IL2RA: variants seen among roughly 807,000 people sequenced by gnomAD.
The protein encoded by IL2RA is interleukin 2 receptor subunit alpha.
Under a neutral mutation model 37.8 loss-of-function variants are expected in IL2RA, and 24 were observed. The observed-to-expected ratio is 0.63, with a 90% CI of 0.46 to 0.89. The LOEUF is 0.89. Ranked by LOEUF, IL2RA falls within the 40% of genes least tolerant of loss-of-function variation. The probability of loss-of-function intolerance (pLI) is 0.00; values close to 1 mark genes in which losing one functional copy is unlikely to be tolerated. For missense variants in IL2RA, 319 were observed against 348.6 expected (o/e 0.92, Z 0.68); for synonymous variants, 125 against 114.6 (o/e 1.09, Z -0.58).
intron 2 of IL2RA, among the ~76,000 whole-genome samples, chr10:6,024,823 A>T (rs1839454745): frequency 1.3e-5 from 2 of 152,226 alleles, no homozygotes; most frequent in Admixed American, 6.5e-5. Context: ...ACGCCATCTT[A>T]ACACAATGAC....
chr10:6,019,724 G>GC lies in IL2RA; in HGVS notation c.655+145dup, dbSNP rs201147401. ...GCTTTGGGGCCTGCAGGTTGCTGAGGCCCTGTCCCTGCTCAGAGGGAGAGG... is the reference window on the plus strand; with the variant it reads ...GCTTTGGGGCCTGCAGGTTGCTGAGGCCCCTGTCCCTGCTCAGAGGGAGAGG... On this transcript the variant is annotated intron_variant, in intron 5 of 7. Coordinates refer to ENST00000379959, the MANE Select transcript of IL2RA (RefSeq NM_000417.3). The GC allele has an allele frequency of 2.7e-3, 2,317 of 849,236 alleles. 39 individuals carry two copies. In the African/African-American group the frequency reaches 0.034, roughly 12 times the overall value. 52.6% of individuals were successfully genotyped at this position (849,236 alleles called of 1,614,324 possible).
At chr10:6,051,976 G>A (rs1839970953) in intron 1 of IL2RA, among the ~76,000 whole-genome samples, 1 of 151,296 alleles carries the variant, frequency 6.6e-6, no homozygotes, top group South Asian at 2.1e-4. Flanking sequence ...ACATGCATGT[G>A]TGTGGGGCAG....
In IL2RA at chr10:6,012,434, T is replaced by A. The variant is rs2132840139; in HGVS notation, c.*438A>T. 8.3e-6 allele frequency: 2 copies of A among 241,856 alleles called. No individual in the cohort carries two copies. Among genetic ancestry groups the A allele is most frequent in the East Asian group, 9.4e-5 (1 of 10,622 alleles). 15.0% of individuals were successfully genotyped at this position (241,856 alleles called of 1,614,324 possible). ...ATGTCCAGTTGTATAGGGTAGAGTG[T>A]GTGTGTTGTGTATTTACGTTAGTGC... On this transcript the variant is annotated 3_prime_UTR_variant, in exon 8 of 8. Transcript: ENST00000379959. This position sits in a 1 kb window ranked among gnomAD's most constrained non-coding sequence, Gnocchi z 4.8.
intron 1 of IL2RA, among the ~76,000 whole-genome samples, chr10:6,027,816 C>G (rs1310031924): frequency 1.3e-5 from 2 of 152,276 alleles, no homozygotes; most frequent in East Asian, 3.9e-4. Context: ...CTGTACTTCT[C>G]ATATCACTGG....
intron 1 of IL2RA, among the ~76,000 whole-genome samples, chr10:6,032,170 C>T (rs1381211326): frequency 6.6e-6 from 1 of 151,728 alleles, no homozygotes; most frequent in African/African-American, 2.4e-5. Context: ...AAACTCACAT[C>T]TTATGCAAGA....
At chr10:6,013,496 CAG>C (rs1288652649) in intron 7 of IL2RA, among the ~76,000 whole-genome samples, 2 of 152,142 alleles carry the variant, frequency 1.3e-5, no homozygotes, top group Admixed American at 6.5e-5. Flanking sequence ...CTACTTTGCA[CAG>C]AGTTCCCATA....
intron 1 of IL2RA, among the ~76,000 whole-genome samples, chr10:6,027,709 TC>T (rs2132862169): frequency 6.6e-6 from 1 of 152,332 alleles, no homozygotes; most frequent in East Asian, 1.9e-4. Flanking sequence ...TCTGTTCCTT[TC>T]CTTTTTCTCA....
In IL2RA at chr10:6,047,014, G is replaced by A. The variant is rs1053300346; in HGVS notation, c.64+15074C>T. ...GATCCTGCTTTTTACTCGGGTGTGG[G>A]ACAAGTAGTTATGAAGCCACAGAAT... On this transcript the variant is annotated intron_variant, in intron 1 of 7. Transcript: ENST00000379959. The surrounding 1 kb of genome is among the most constrained non-coding windows in gnomAD (Gnocchi z 5.0). Among the ~76,000 whole-genome samples, 4 of 152,164 alleles carry A rather than the reference G, an allele frequency of 2.6e-5. No homozygotes were observed. The highest frequency in any genetic ancestry group is 9.7e-5 in the African/African-American group (4 of 41,414).
At chr10:6,059,706 C>T (rs1840095541) in intron 1 of IL2RA, among the ~76,000 whole-genome samples, 1 of 152,172 alleles carries the variant, frequency 6.6e-6, no homozygotes, top group African/African-American at 2.4e-5. Context: ...CCCTAAGGCA[C>T]TCCTGTGTTT....
At chr10:6,051,215 G>T (rs552847047) in intron 1 of IL2RA, among the ~76,000 whole-genome samples, 1 of 152,260 alleles carries the variant, frequency 6.6e-6, no homozygotes, top group South Asian at 2.1e-4. Context: ...TGGGTTGCAG[G>T]CTCTGCCTGG....
At chr10:6,051,232 T>C (rs1222953598) in intron 1 of IL2RA, among the ~76,000 whole-genome samples, 2 of 152,026 alleles carry the variant, frequency 1.3e-5, no homozygotes, top group Non-Finnish European at 2.9e-5. Context: ...CTGGTTTCAT[T>C]GTCGGGGAAG....
rs1347891658 is a variant in IL2RA, at chr10:6,036,229, C to A, written c.65-10204G>T. ...TTGTAGTCCTCCTGCCACAGATGAC[C>A]AGAATGACCTCACCCAGGACAAACG... is the stretch of plus-strand genomic sequence containing the variant. On this transcript the variant is annotated intron_variant, in intron 1 of 7. Transcript: ENST00000379959. The surrounding 1 kb of genome is among the most constrained non-coding windows in gnomAD (Gnocchi z 6.1). The A allele has an allele frequency of 6.6e-6, 1 of 152,202 alleles. No homozygotes were observed. Among genetic ancestry groups the A allele is most frequent in the Admixed American group, 6.5e-5 (1 of 15,272 alleles). The allele number at this position is 152,202 out of a possible 1,614,324, so 9.4% of individuals were successfully genotyped here.
chr10:6,050,286 C>T (rs531411666), intron 1 of IL2RA, among the ~76,000 whole-genome samples: 1 of 152,286 alleles, frequency 6.6e-6, no homozygotes, highest in African/African-American at 2.4e-5. Context: ...CTACTGGCTC[C>T]TTGCTTTCTT....
rs952536748 is a variant in IL2RA, at chr10:6,057,274, C to T, written c.64+4814G>A. 3.9e-5 allele frequency among the ~76,000 whole-genome samples: 6 copies of T among 152,160 alleles called. No homozygotes were observed. Among genetic ancestry groups the T allele is most frequent in the African/African-American group, 1.4e-4 (6 of 41,440 alleles). ...TTGACACCTGCAACTGCAGCAATTA[C>T]AGAAGCAGTGGGTCATGCTGGCTGC... On this transcript the variant is annotated intron_variant, in intron 1 of 7. Transcript: ENST00000379959. This position sits in a 1 kb window ranked among gnomAD's most constrained non-coding sequence, Gnocchi z 4.8.
rs1266339315 is a variant in IL2RA at position 6,036,584 on chromosome 10, C to T, written c.65-10559G>A. ...AGCCTGGGCAGGCCAGCGGCTCTTCCCTGACGTGGAATTATGAGCCCTCTT... is the reference window on the plus strand; with the variant it reads ...AGCCTGGGCAGGCCAGCGGCTCTTCTCTGACGTGGAATTATGAGCCCTCTT... On this transcript the variant is annotated intron_variant, in intron 1 of 7. Coordinates refer to ENST00000379959, the MANE Select transcript of IL2RA (RefSeq NM_000417.3). This position sits in a 1 kb window ranked among gnomAD's most constrained non-coding sequence, Gnocchi z 6.1. Among the ~76,000 whole-genome samples the T allele has an allele frequency of 3.3e-5, 5 of 152,224 alleles. No individual in the cohort carries two copies. The highest frequency in any genetic ancestry group is 3.3e-4 in the Admixed American group (5 of 15,282).
In IL2RA at chr10:6,061,117, G is replaced by A. The variant is rs181497353; in HGVS notation, c.64+971C>T. Among the ~76,000 whole-genome samples the A allele has an allele frequency of 1.9e-3, 294 of 152,242 alleles. 1 individual carries two copies. Among genetic ancestry groups the A allele is most frequent in the Non-Finnish European group, 3.6e-3 (244 of 68,018 alleles). On this transcript the variant is annotated intron_variant, in intron 1 of 7. Coordinates refer to ENST00000379959, the MANE Select transcript of IL2RA (RefSeq NM_000417.3). ...TTAAAAAAAAATATTGGCCAGGCACGGTGGTTCATGCCTGTAGTACCAGCA... is the reference window on the plus strand; with the variant it reads ...TTAAAAAAAAATATTGGCCAGGCACAGTGGTTCATGCCTGTAGTACCAGCA...
rs1839820890 is a variant in IL2RA at position 6,044,476 on chromosome 10, G to T, written c.64+17612C>A. Among the ~76,000 whole-genome samples, 1 of 152,130 alleles carries T rather than the reference G, an allele frequency of 6.6e-6. No homozygotes were observed. ...TCTAGGGAAGGGGTAGTAACTTTTGGGTCATCCGGTCACTGCTATGGAAAG... is the reference window on the plus strand; with the variant it reads ...TCTAGGGAAGGGGTAGTAACTTTTGTGTCATCCGGTCACTGCTATGGAAAG... On this transcript the variant is annotated intron_variant, in intron 1 of 7. Coordinates refer to ENST00000379959, the MANE Select transcript of IL2RA (RefSeq NM_000417.3). This position sits in a 1 kb window ranked among gnomAD's most constrained non-coding sequence, Gnocchi z 4.5.
At position 6,052,647 on chromosome 10, in the gene IL2RA, C is replaced by G. The variant is rs540824013; in HGVS notation, c.64+9441G>C. On this transcript the variant is annotated intron_variant, in intron 1 of 7. Transcript: ENST00000379959. Reference sequence around the variant, plus strand: ...TTCCCAGGGGAGAAAACGCGCCCCCCCTCACGCCTCAGAGGCACACACCTA... The same window carrying G: ...TTCCCAGGGGAGAAAACGCGCCCCCGCTCACGCCTCAGAGGCACACACCTA... 3.8e-4 allele frequency among the ~76,000 whole-genome samples: 58 copies of G among 152,172 alleles called. 1 individual carries two copies. The highest frequency in any genetic ancestry group is 3.4e-3 in the Admixed American group (52 of 15,284).
chr10:6,041,571 T>TA (rs1319411082), intron 1 of IL2RA, among the ~76,000 whole-genome samples: 1 of 152,168 alleles, frequency 6.6e-6, no homozygotes, highest in Non-Finnish European at 1.5e-5. Context: ...AAGTTCAAAG[T>TA]AAAATAGCAT....
Sources: gnomAD v4.1 joint callset for allele counts (sites outside exome capture counted in the v4.1 genomes callset) on GRCh38, gnomAD v4.1.1 for gene constraint, Gnocchi (gnomAD v3.1) non-coding constraint, MANE v1.5 for transcripts, NCBI Gene and HGNC (gene_info 2026-07-23, HGNC 2026-07-21) for gene names.